The following ROR1 variants were observed in gnomAD, a reference collection of about 807,000 sequenced individuals.
ROR1 encodes the protein ROR family WNT receptor 1, also known as inactive tyrosine-protein kinase transmembrane receptor ROR1.
Under a neutral mutation model 78.8 loss-of-function variants are expected in ROR1, and 19 were observed. The observed-to-expected ratio is 0.24, with a 90% CI of 0.17 to 0.35. The LOEUF is 0.35. ROR1 is among the 10% of genes least tolerant of loss of function. The pLI, the probability that ROR1 is intolerant of heterozygous loss-of-function variation, is 1.00. For synonymous variants in ROR1, 386 were observed against 433.6 expected, an observed-to-expected ratio of 0.89 and a Z score of 1.36; for missense variants, 917 against 1,177.8, an observed-to-expected ratio of 0.78 and a Z score of 3.24.
intron 1 of ROR1, among the ~76,000 whole-genome samples, chr1:63,986,764 G>T (rs2100515637): frequency 6.6e-6 from 1 of 152,084 alleles, no homozygotes; most frequent in South Asian, 2.1e-4. Flanking sequence ...AGACTTGGTG[G>T]TGTGTACCTG....
chr1:64,140,407 G>A lies in ROR1; in HGVS notation c.909G>A (p.Met303Ile), dbSNP rs1649271586. ...AANCIRIGIP[M>I]ADPINKNHKC... ...ACTGTATCCGGATTGGAATTCCCAT[G>A]GCAGATCCTATAAATAAAAGTAAGT... Residue 303 changes from methionine (M) to isoleucine (I), a missense_variant, in exon 6 of 9, where the codon ATG becomes ATA. Physicochemically the swap from Met to Ile is conservative, Grantham distance 10. This residue lies in a region of ROR1 where 835 missense variants were observed against 1,069.8 expected (regional missense o/e 0.78). Transcript: ENST00000371079. 1 of 1,613,344 alleles carries A rather than the reference G, an allele frequency of 6.2e-7. No homozygotes were observed. The highest frequency in any genetic ancestry group is 8.5e-7 in the Non-Finnish European group (1 of 1,179,384).
intron 2 of ROR1, among the ~76,000 whole-genome samples, chr1:64,041,611 C>CA (rs1362945265): frequency 1.3e-5 from 2 of 152,242 alleles, no homozygotes; most frequent in East Asian, 1.9e-4. Context: ...ATTTGCAGAA[C>CA]CATTCTTAAT....
intron 1 of ROR1, among the ~76,000 whole-genome samples, chr1:63,852,163 T>C (rs150965324): frequency 7.9e-4 from 121 of 152,386 alleles, no homozygotes; most frequent in African/African-American, 2.6e-3. Flanking sequence ...TGGGAATAAC[T>C]GTACTGACTG....
chr1:63,951,513 T>A (rs1041985216), intron 1 of ROR1, among the ~76,000 whole-genome samples: 5 of 152,186 alleles, frequency 3.3e-5, no homozygotes, highest in Admixed American at 1.3e-4. Context: ...AACGGAGGCC[T>A]GGCTGGCACA....
intron 1 of ROR1, among the ~76,000 whole-genome samples, chr1:63,872,965 G>T (rs888555196): frequency 2.6e-5 from 4 of 152,142 alleles, no homozygotes; most frequent in Admixed American, 2.6e-4. Context: ...GGTGGGAGAT[G>T]ATTTGAGAGG....
intron 1 of ROR1, among the ~76,000 whole-genome samples, chr1:63,855,041 T>G (rs903487140): frequency 1.3e-5 from 2 of 152,064 alleles, no homozygotes; most frequent in African/African-American, 4.8e-5. Context: ...TGTGGTTGAT[T>G]GAATCCATGG....
intron 1 of ROR1, among the ~76,000 whole-genome samples, chr1:64,006,549 A>G (rs1296254779): frequency 1.3e-5 from 2 of 152,220 alleles, no homozygotes; most frequent in Admixed American, 1.3e-4. Context: ...CAAGAGGTTG[A>G]TAACAGAAGC....
Position 63,857,652 on chromosome 1 carries a change from G to A in ROR1, c.91+83144G>A, listed in dbSNP as rs79683509. 6.2e-4 allele frequency among the ~76,000 whole-genome samples: 95 copies of A among 152,306 alleles called. No individual in the cohort carries two copies. The East Asian group carries it at 0.012, about 19-fold the overall frequency. Reference sequence around the variant, plus strand: ...CATGGAGAATAAATAGCTGTGAGTCGTTGCATTCTTATCAACTGGAGACAA... The same window carrying A: ...CATGGAGAATAAATAGCTGTGAGTCATTGCATTCTTATCAACTGGAGACAA... On this transcript the variant is annotated intron_variant, in intron 1 of 8. Transcript: ENST00000371079.
At chr1:63,900,187 C>T (rs957917152) in intron 1 of ROR1, among the ~76,000 whole-genome samples, 4 of 152,152 alleles carry the variant, frequency 2.6e-5, no homozygotes, top group African/African-American at 9.7e-5. Context: ...GGCGTGGTGA[C>T]TCATGCTTGT....
At chr1:64,085,333 A>T (rs1193961406) in intron 4 of ROR1, among the ~76,000 whole-genome samples, 1 of 152,150 alleles carries the variant, frequency 6.6e-6, no homozygotes, top group African/African-American at 2.4e-5. Flanking sequence ...TTTAGGTAGG[A>T]TTGTGACAGA....
intron 1 of ROR1, chr1:63,789,159 A>G: frequency 1.7e-6 from 1 of 596,602 alleles, no homozygotes; most frequent in Non-Finnish European, 3.2e-6. Context: ...GCGGATCATC[A>G]GCCCATCTTT....
chr1:63,887,541 A>G (rs915807039), intron 1 of ROR1, among the ~76,000 whole-genome samples: 11 of 152,068 alleles, frequency 7.2e-5, no homozygotes, highest in Admixed American at 1.3e-4. Context: ...TTTCTAGTCA[A>G]TTGTACTACC....
chr1:64,060,359 A>G (rs990449953), intron 4 of ROR1, among the ~76,000 whole-genome samples: 5 of 152,194 alleles, frequency 3.3e-5, no homozygotes, highest in African/African-American at 1.2e-4. Context: ...CTGTTGGATA[A>G]TATTTCCAGC....
intron 1 of ROR1, among the ~76,000 whole-genome samples, chr1:63,870,080 G>A (rs1028726453): frequency 1.3e-5 from 2 of 152,114 alleles, no homozygotes; most frequent in African/African-American, 2.4e-5. Flanking sequence ...CCATTTGTAC[G>A]AGTAAAACTT....
chr1:63,808,161 A>G (rs561383326), intron 1 of ROR1, among the ~76,000 whole-genome samples: 34 of 152,258 alleles, frequency 2.2e-4, no homozygotes, highest in African/African-American at 7.5e-4. Context: ...GAATATGGTC[A>G]TGTGAGGTTC....
intron 2 of ROR1, 109 bp from the exon 3 acceptor site, chr1:64,049,582 C>T: frequency 1.1e-6 from 1 of 942,408 alleles, no homozygotes; most frequent in Non-Finnish European, 1.6e-6. Context: ...ACCTGCCTCT[C>T]CTGCTCAGCC....
intron 2 of ROR1, among the ~76,000 whole-genome samples, chr1:64,044,928 G>C (rs960774859): frequency 6.6e-6 from 1 of 152,152 alleles, no homozygotes; most frequent in Non-Finnish European, 1.5e-5. Flanking sequence ...TTCTATATTA[G>C]ATAAGTAAGG....
At chr1:64,169,234 T>C (rs1183311753) in intron 8 of ROR1, among the ~76,000 whole-genome samples, 2 of 152,214 alleles carry the variant, frequency 1.3e-5, no homozygotes, top group African/African-American at 2.4e-5. Flanking sequence ...TGGGGTGTAT[T>C]AGTCTGTTTG....
chr1:64,107,080 T>C (rs77166484), intron 4 of ROR1: 21,332 of 152,350 alleles, frequency 0.14, 1,712 homozygotes, highest in African/African-American at 0.2. Context: ...ACATGATTGT[T>C]GAAATGATCA....
Sources: allele counts gnomAD v4.1 joint callset (sites outside exome capture counted in the v4.1 genomes callset), GRCh38; gene constraint gnomAD v4.1.1; regional missense constraint gnomAD v4.1.1; transcripts MANE v1.5; gene names NCBI Gene and HGNC (gene_info 2026-07-23, HGNC 2026-07-21).